VPS13B: variants seen among roughly 807,000 people sequenced by gnomAD.
The protein encoded by VPS13B is intermembrane lipid transfer protein VPS13B.
In VPS13B, 285 loss-of-function variants were observed where a neutral mutation model predicts 426.4. That is an observed-to-expected ratio of 0.67 (90% CI 0.61 to 0.74). VPS13B has a LOEUF of 0.74. VPS13B is among the 30% of genes least tolerant of loss of function. VPS13B has a pLI of 0.00. For synonymous variants in VPS13B, 1,676 were observed against 1,676.4 expected, an observed-to-expected ratio of 1.00 and a Z score of 0.01; for missense variants, 4,537 against 4,782.6, an observed-to-expected ratio of 0.95 and a Z score of 1.51.
intron 25 of VPS13B, among the ~76,000 whole-genome samples, chr8:99,498,348 A>G (rs930428401): frequency 1.3e-5 from 2 of 152,242 alleles, no homozygotes; most frequent in South Asian, 2.1e-4. Flanking sequence ...TATTGAATAT[A>G]GAGAACTTAC....
intron 44 of VPS13B, among the ~76,000 whole-genome samples, chr8:99,813,764 C>G (rs889646505): frequency 2.6e-5 from 4 of 152,176 alleles, no homozygotes; most frequent in African/African-American, 9.7e-5. Context: ...CTAAACCTCA[C>G]CATTCAAATA....
chr8:99,759,888 A>G (rs1810839176), intron 39 of VPS13B, among the ~76,000 whole-genome samples: 1 of 152,130 alleles, frequency 6.6e-6, no homozygotes, highest in African/African-American at 2.4e-5. Context: ...ACTCTCAGCT[A>G]TCAACATTTC....
At chr8:99,223,121 C>T (rs1815821761) in intron 17 of VPS13B, among the ~76,000 whole-genome samples, 1 of 152,140 alleles carries the variant, frequency 6.6e-6, no homozygotes, top group Non-Finnish European at 1.5e-5. Context: ...AGCCACTGTA[C>T]CCAGCCTGAT....
At chr8:99,429,534 A>C (rs762268589) in intron 21 of VPS13B, 8 of 152,054 alleles carry the variant, frequency 5.3e-5, no homozygotes. Flanking sequence ...ATCCCAAACT[A>C]AGTTTCCTTT....
At chr8:99,200,977 T>C (rs1814283061) in intron 17 of VPS13B, among the ~76,000 whole-genome samples, 1 of 152,116 alleles carries the variant, frequency 6.6e-6, no homozygotes, top group Non-Finnish European at 1.5e-5. Context: ...GTCATCATCA[T>C]TACTTTTAGT....
chr8:99,700,512 T>A (rs894294605), intron 36 of VPS13B, among the ~76,000 whole-genome samples: 1 of 152,220 alleles, frequency 6.6e-6, no homozygotes, highest in African/African-American at 2.4e-5. Flanking sequence ...AAGCCAAGGT[T>A]CAACTTTGCA....
intron 35 of VPS13B, chr8:99,698,003 G>T: frequency 2.5e-6 from 1 of 404,084 alleles, no homozygotes; most frequent in South Asian, 2.2e-5. Context: ...GGAGGCCGCA[G>T]AGGTGAAGAG....
intron 39 of VPS13B, among the ~76,000 whole-genome samples, chr8:99,723,579 A>G (rs1051363753): frequency 6.6e-6 from 1 of 152,056 alleles, no homozygotes; most frequent in African/African-American, 2.4e-5. Context: ...AACTCCTTTC[A>G]TCAAGTAGAA....
At chr8:99,610,855 A>G (rs1827818314) in intron 33 of VPS13B, among the ~76,000 whole-genome samples, 1 of 152,190 alleles carries the variant, frequency 6.6e-6, no homozygotes. Context: ...TTCTTATTCT[A>G]ATCTGGAAAC....
intron 15 of VPS13B, among the ~76,000 whole-genome samples, chr8:99,162,273 T>G (rs1811701534): frequency 6.6e-6 from 1 of 152,204 alleles, no homozygotes; most frequent in African/African-American, 2.4e-5. Flanking sequence ...AGTTTTAGTT[T>G]TATCATATTA....
intron 30 of VPS13B, among the ~76,000 whole-genome samples, chr8:99,539,476 T>A (rs1823443130): frequency 6.6e-6 from 1 of 152,240 alleles, no homozygotes; most frequent in Non-Finnish European, 1.5e-5. Flanking sequence ...GCCAGTGCCA[T>A]GGCTCATGCC....
chr8:99,143,501 T>C (rs1198771470), intron 13 of VPS13B, among the ~76,000 whole-genome samples: 2 of 152,188 alleles, frequency 1.3e-5, no homozygotes, highest in Non-Finnish European at 2.9e-5. Flanking sequence ...AATTGGGCTC[T>C]AAACACACAA....
intron 30 of VPS13B, among the ~76,000 whole-genome samples, chr8:99,539,258 T>C (rs1318482281): frequency 6.6e-6 from 1 of 152,210 alleles, no homozygotes; most frequent in African/African-American, 2.4e-5. Context: ...TTCTGCACAT[T>C]CTTTTGCATT....
intron 19 of VPS13B, among the ~76,000 whole-genome samples, chr8:99,381,963 T>A (rs1349515732): frequency 6.6e-6 from 1 of 152,138 alleles, no homozygotes; most frequent in Non-Finnish European, 1.5e-5. Context: ...TAGTTTTGAG[T>A]TTTTATTTAA....
intron 3 of VPS13B, among the ~76,000 whole-genome samples, chr8:99,095,981 T>C (rs1846394832): frequency 6.6e-6 from 1 of 152,090 alleles, no homozygotes; most frequent in Non-Finnish European, 1.5e-5. Context: ...TACATAGAGA[T>C]GGATGTTGTT....
intron 24 of VPS13B, among the ~76,000 whole-genome samples, chr8:99,469,142 A>C (rs1819266217): frequency 6.6e-6 from 1 of 151,530 alleles, no homozygotes; most frequent in Non-Finnish European, 1.5e-5. Flanking sequence ...ACTACAGTAA[A>C]CATTATTTCA....
At chr8:99,638,236 A>T (rs1460098249) in intron 33 of VPS13B, among the ~76,000 whole-genome samples, 2 of 152,090 alleles carry the variant, frequency 1.3e-5, no homozygotes, top group African/African-American at 2.4e-5. Flanking sequence ...AACTAACATG[A>T]TGTTTCCTCT....
Position 99,875,818 on chromosome 8 carries a change from C to A in VPS13B, c.*152C>A. ...CACAAGTAGCTACGACTGCAAGCAC[C>A]TGCCACCATAAAGGGCTGCATTTTG... On this transcript the variant is annotated 3_prime_UTR_variant, in exon 62 of 62. Coordinates refer to ENST00000357162, the MANE Select transcript of VPS13B (RefSeq NM_152564.5). The A allele has an allele frequency of 1.0e-6, 1 of 1,004,950 alleles. No homozygotes were observed. The highest frequency in any genetic ancestry group is 1.5e-6 in the Non-Finnish European group (1 of 674,024). The allele number at this position is 1,004,950 out of a possible 1,614,324, so 62.3% of individuals were successfully genotyped here.
chr8:99,161,587 G>A (rs1232131381), intron 15 of VPS13B, among the ~76,000 whole-genome samples: 1 of 152,112 alleles, frequency 6.6e-6, no homozygotes, highest in Non-Finnish European at 1.5e-5. Context: ...TACACATGCT[G>A]TCTAGTTTTC....
Sources: allele counts gnomAD v4.1 joint callset (sites outside exome capture counted in the v4.1 genomes callset), GRCh38; gene constraint gnomAD v4.1.1; transcripts MANE v1.5; gene names NCBI Gene and HGNC (gene_info 2026-07-23, HGNC 2026-07-21).